Variants in ARHGAP20 observed in about 807,000 individuals in gnomAD.
ARHGAP20 encodes Rho GTPase activating protein 20, also known as rho GTPase-activating protein 20.
A neutral mutation model predicts 73.7 loss-of-function variants in ARHGAP20; 34 were observed. That is an observed-to-expected ratio of 0.46 (90% CI 0.35 to 0.61). The LOEUF (loss-of-function observed/expected upper bound fraction) is 0.61. Among genes scored for constraint, ARHGAP20 ranks in the 20% least tolerant of loss-of-function variants. The probability of loss-of-function intolerance (pLI) is 0.00; values close to 1 mark genes in which losing one functional copy is unlikely to be tolerated. For missense variants in ARHGAP20, 1,314 were observed against 1,420.9 expected (o/e 0.92, Z 1.21); for synonymous variants, 523 against 518.2 (o/e 1.01, Z -0.13).
chr11:110,577,055 T>C lies in ARHGAP20; in HGVS notation c.*2315A>G. On this transcript the variant is annotated 3_prime_UTR_variant, in exon 15 of 15. Transcript: ENST00000683387. ...ATTGCTCTGGTGGGATGGTTAATTC[T>C]GCAGAATGGCATTTTATTTAACAGA... 2 of 1,436,120 alleles carry C rather than the reference T, an allele frequency of 1.4e-6. No individual in the cohort carries two copies. Among genetic ancestry groups the C allele is most frequent in the East Asian group, 2.5e-5 (1 of 40,014 alleles). 89.0% of individuals were successfully genotyped at this position (1,436,120 alleles called of 1,614,324 possible).
intron 8 of ARHGAP20, among the ~76,000 whole-genome samples, chr11:110,608,248 G>A (rs1948280686): frequency 6.6e-6 from 1 of 152,036 alleles, no homozygotes; most frequent in South Asian, 2.1e-4. Context: ...AATTATCATC[G>A]TCATCATCTC....
intron 2 of ARHGAP20, among the ~76,000 whole-genome samples, chr11:110,668,834 G>A (rs1949773858): frequency 6.6e-6 from 1 of 152,098 alleles, no homozygotes; most frequent in Non-Finnish European, 1.5e-5. Flanking sequence ...TCTGAGGTAT[G>A]CCTGAATTTG....
Position 110,664,346 on chromosome 11 carries a change from A to G in ARHGAP20, c.188+26201T>C, listed in dbSNP as rs556788508. On this transcript the variant is annotated intron_variant, in intron 2 of 14. Transcript: ENST00000683387. ...GAGTTTAGGAAGGTTGCAGGATATA[A>G]GACATATATATATATACACATACAC... 8.5e-4 allele frequency among the ~76,000 whole-genome samples: 130 copies of G among 152,156 alleles called. 1 individual carries two copies. Among genetic ancestry groups the G allele is most frequent in the African/African-American group, 3.1e-3 (129 of 41,416 alleles).
chr11:110,624,000 T>C (rs7128425), intron 4 of ARHGAP20, among the ~76,000 whole-genome samples, 162 bp downstream of exon 4: 24,516 of 152,242 alleles, frequency 0.16, 3,200 homozygotes, highest in African/African-American at 0.36. Flanking sequence ...TGGTTGGGTG[T>C]ATGTGTCAAC....
intron 9 of ARHGAP20, among the ~76,000 whole-genome samples, chr11:110,602,889 A>G (rs1356807943): frequency 6.6e-6 from 1 of 152,184 alleles, no homozygotes; most frequent in African/African-American, 2.4e-5. Flanking sequence ...GGGTAAGAAT[A>G]TTTTCAAAGC....
intron 2 of ARHGAP20, among the ~76,000 whole-genome samples, chr11:110,639,167 C>T (rs770131182): frequency 1.3e-5 from 2 of 151,836 alleles, no homozygotes; most frequent in Non-Finnish European, 2.9e-5. Context: ...TCTTGTGGAA[C>T]TAGTTTAGCT....
chr11:110,580,508 T>C lies in ARHGAP20; in HGVS notation c.2438A>G (p.Asp813Gly), dbSNP rs753190378. Reference sequence around the variant, plus strand: ...ATCAAAGGGCTGGTTCTTGGAATGATCCTGTGAGGACATAGGACTATAAGA... The same window carrying C: ...ATCAAAGGGCTGGTTCTTGGAATGACCCTGTGAGGACATAGGACTATAAGA... Reference protein sequence around the residue: ...VASYSPMSSQDHSKNQPFDVN... With the variant: ...VASYSPMSSQGHSKNQPFDVN... Residue 813 changes from aspartate to glycine, a missense_variant, in exon 15 of 15, where the codon GAT (aspartate) becomes GGT (glycine). By Grantham distance (94) the Asp-to-Gly change is moderately conservative. Coordinates refer to ENST00000683387, the MANE Select transcript of ARHGAP20 (RefSeq NM_001384657.1). The C allele has an allele frequency of 1.2e-6, 2 of 1,614,050 alleles. No individual in the cohort carries two copies. Among genetic ancestry groups the C allele is most frequent in the African/African-American group, 1.3e-5 (1 of 74,902 alleles).
intron 2 of ARHGAP20, among the ~76,000 whole-genome samples, chr11:110,670,626 C>G (rs991354870): frequency 3.9e-5 from 6 of 151,932 alleles, no homozygotes; most frequent in Non-Finnish European, 7.4e-5. Context: ...TAAATTCTAC[C>G]CAACATTTTA....
intron 1 of ARHGAP20, among the ~76,000 whole-genome samples, chr11:110,710,073 G>T (rs1178273108): frequency 6.6e-6 from 1 of 152,144 alleles, no homozygotes; most frequent in Non-Finnish European, 1.5e-5. Context: ...GAAATGAGTT[G>T]AAAACGAATC....
intron 9 of ARHGAP20, among the ~76,000 whole-genome samples, chr11:110,595,744 A>T (rs1023110569): frequency 2.6e-5 from 4 of 152,222 alleles, no homozygotes; most frequent in African/African-American, 9.6e-5. Context: ...ATTCAATGCC[A>T]TTCCCATCAA....
intron 2 of ARHGAP20, among the ~76,000 whole-genome samples, chr11:110,639,550 A>G (rs934984944): frequency 3.9e-5 from 6 of 151,984 alleles, no homozygotes; most frequent in African/African-American, 1.4e-4. Flanking sequence ...CTAAAGAAAA[A>G]CCATATAGGT....
At chr11:110,607,267 A>C (rs953218062) in intron 8 of ARHGAP20, among the ~76,000 whole-genome samples, 5 of 152,164 alleles carry the variant, frequency 3.3e-5, no homozygotes, top group African/African-American at 1.2e-4. Flanking sequence ...ATTAATTTTT[A>C]TTAGTTACAC....
At chr11:110,686,910 C>T (rs1950143098) in intron 2 of ARHGAP20, among the ~76,000 whole-genome samples, 1 of 151,658 alleles carries the variant, frequency 6.6e-6, no homozygotes, top group African/African-American at 2.4e-5. Flanking sequence ...CCAAGAGCTA[C>T]ACAAAGTAAA....
intron 2 of ARHGAP20, among the ~76,000 whole-genome samples, chr11:110,643,406 G>A (rs1254464773): frequency 6.6e-6 from 1 of 151,960 alleles, no homozygotes; most frequent in Non-Finnish European, 1.5e-5. Flanking sequence ...TGTTTAGTAC[G>A]ACAATCTTTC....
At chr11:110,584,767 G>C (rs1947577229) in intron 12 of ARHGAP20, among the ~76,000 whole-genome samples, 1 of 151,658 alleles carries the variant, frequency 6.6e-6, no homozygotes, top group Non-Finnish European at 1.5e-5. Context: ...AGAACTGATT[G>C]ATCTGCATCC....
intron 12 of ARHGAP20, 124 bp downstream of exon 12, chr11:110,586,092 G>A (rs1034630297): frequency 2.2e-6 from 1 of 461,438 alleles, no homozygotes; most frequent in Admixed American, 4.2e-5. Flanking sequence ...TGACAAACTA[G>A]CATACATCTA....
At chr11:110,637,271 T>A (rs1235765909) in intron 2 of ARHGAP20, among the ~76,000 whole-genome samples, 1 of 152,156 alleles carries the variant, frequency 6.6e-6, no homozygotes, top group African/African-American at 2.4e-5. Context: ...TCTATGTTTA[T>A]TAGTAATCAA....
chr11:110,704,821 A>G (rs1210630145), intron 1 of ARHGAP20, among the ~76,000 whole-genome samples: 2 of 152,216 alleles, frequency 1.3e-5, no homozygotes, highest in Admixed American at 1.3e-4. Context: ...AAGTACCAAC[A>G]GAACAGGCGA....
At chr11:110,671,901 T>C (rs1332232098) in intron 2 of ARHGAP20, among the ~76,000 whole-genome samples, 1 of 152,100 alleles carries the variant, frequency 6.6e-6, no homozygotes, top group African/African-American at 2.4e-5. Flanking sequence ...TTTGGGAAAG[T>C]ACATTGGGAA....
Sources: allele counts gnomAD v4.1 joint callset (sites outside exome capture counted in the v4.1 genomes callset), GRCh38; gene constraint gnomAD v4.1.1; transcripts MANE v1.5; gene names NCBI Gene and HGNC (gene_info 2026-07-23, HGNC 2026-07-21).